Variants in CNTNAP2 observed in about 807,000 individuals in gnomAD.
CNTNAP2 encodes contactin-associated protein-like 2.
CNTNAP2 carries 98 observed loss-of-function variants against 155.2 expected under a neutral mutation model. That is an observed-to-expected ratio of 0.63 (90% CI 0.54 to 0.75). CNTNAP2 has a LOEUF of 0.75. Ranked by LOEUF, CNTNAP2 falls within the 30% of genes least tolerant of loss-of-function variation. The probability of loss-of-function intolerance (pLI) is 0.00; values close to 1 mark genes in which losing one functional copy is unlikely to be tolerated. For missense variants in CNTNAP2, 1,727 were observed against 1,688.1 expected, an observed-to-expected ratio of 1.02 and a Z score of -0.40; for synonymous variants, 651 against 631.2, an observed-to-expected ratio of 1.03 and a Z score of -0.47.
At chr7:147,559,210 T>C (rs1800012490) in intron 11 of CNTNAP2, among the ~76,000 whole-genome samples, 1 of 152,088 alleles carries the variant, frequency 6.6e-6, no homozygotes, top group African/African-American at 2.4e-5. Flanking sequence ...TTTTGTAGAT[T>C]GAGAAAGTGG....
chr7:146,382,176 G>A (rs746311595), intron 1 of CNTNAP2, among the ~76,000 whole-genome samples: 1 of 152,198 alleles, frequency 6.6e-6, no homozygotes, highest in Non-Finnish European at 1.5e-5. Flanking sequence ...GAAAGAATAT[G>A]AGGCAAGAAC....
At chr7:147,407,268 A>G (rs371206592) in intron 10 of CNTNAP2, among the ~76,000 whole-genome samples, 89 of 152,146 alleles carry the variant, frequency 5.8e-4, no homozygotes, top group African/African-American at 2.1e-3. Context: ...GGAGATCGAG[A>G]CCATCCTGGC....
At chr7:148,014,838 C>T (rs779124002) in intron 15 of CNTNAP2, among the ~76,000 whole-genome samples, 2 of 152,200 alleles carry the variant, frequency 1.3e-5, no homozygotes, top group Admixed American at 6.5e-5. Context: ...CCAACTGCAG[C>T]GCCTTGCTGG....
intron 13 of CNTNAP2, among the ~76,000 whole-genome samples, chr7:147,902,670 T>C (rs1799888881): frequency 6.6e-6 from 1 of 152,178 alleles, no homozygotes; most frequent in African/African-American, 2.4e-5. Context: ...TGGTTTTCCA[T>C]TCCTGAGTTA....
At chr7:147,567,707 T>C (rs953360317) in intron 12 of CNTNAP2, among the ~76,000 whole-genome samples, 16 of 152,140 alleles carry the variant, frequency 1.1e-4, no homozygotes, top group African/African-American at 3.9e-4. Context: ...TCTATGTTGC[T>C]TTGGGTCCCT....
intron 1 of CNTNAP2, among the ~76,000 whole-genome samples, chr7:146,513,667 A>G (rs1797499965): frequency 6.6e-6 from 1 of 151,910 alleles, no homozygotes; most frequent in South Asian, 2.1e-4. Context: ...CATAGTTATT[A>G]TTTTTAAAAA....
At chr7:146,172,576 A>T (rs1798411324) in intron 1 of CNTNAP2, among the ~76,000 whole-genome samples, 2 of 151,930 alleles carry the variant, frequency 1.3e-5, no homozygotes, top group Non-Finnish European at 2.9e-5. Flanking sequence ...TCTGACTATG[A>T]TGTGATTGAG....
At chr7:147,052,468 C>G (rs374723063) in intron 4 of CNTNAP2, among the ~76,000 whole-genome samples, 1 of 151,994 alleles carries the variant, frequency 6.6e-6, no homozygotes, top group Admixed American at 6.6e-5. Flanking sequence ...ATTGGTGGAA[C>G]AGGGCATGAT....
At chr7:146,913,746 A>G (rs1220700923) in intron 3 of CNTNAP2, among the ~76,000 whole-genome samples, 1 of 151,852 alleles carries the variant, frequency 6.6e-6, no homozygotes, top group East Asian at 1.9e-4. Context: ...GTGGGGTATC[A>G]ACATATGGAT....
intron 21 of CNTNAP2, among the ~76,000 whole-genome samples, chr7:148,324,422 A>T (rs1797854133): frequency 6.6e-6 from 1 of 151,922 alleles, no homozygotes; most frequent in African/African-American, 2.4e-5. Context: ...CTTCTCCATA[A>T]CTCACATTTT....
chr7:146,635,380 G>A (rs1173386914), intron 1 of CNTNAP2, among the ~76,000 whole-genome samples: 1 of 152,166 alleles, frequency 6.6e-6, no homozygotes, highest in African/African-American at 2.4e-5. Context: ...AGGATGCTAT[G>A]CTAGTAACAG....
At chr7:147,293,873 G>A (rs2116754694) in intron 8 of CNTNAP2, among the ~76,000 whole-genome samples, 3 of 152,238 alleles carry the variant, frequency 2.0e-5, no homozygotes, top group Admixed American at 2.0e-4. Context: ...TTAGGGAGGT[G>A]TTAGAGAAAA....
chr7:146,358,058 G>T (rs999888103), intron 1 of CNTNAP2, among the ~76,000 whole-genome samples: 1 of 148,266 alleles, frequency 6.7e-6, no homozygotes. Context: ...TTTTTGAGAT[G>T]GAGCCTCGCT....
chr7:147,405,028 G>A (rs1165246326), intron 10 of CNTNAP2, among the ~76,000 whole-genome samples: 1 of 152,190 alleles, frequency 6.6e-6, no homozygotes, highest in African/African-American at 2.4e-5. Context: ...TTGATGCATT[G>A]CATGTATTAG....
chr7:146,800,171 C>T (rs1802848596), intron 2 of CNTNAP2, among the ~76,000 whole-genome samples: 1 of 152,130 alleles, frequency 6.6e-6, no homozygotes, highest in Non-Finnish European at 1.5e-5. Flanking sequence ...AGCAGCAACA[C>T]TAGCTATTCA....
chr7:146,385,454 ATGTT>A (rs1447880224), intron 1 of CNTNAP2, among the ~76,000 whole-genome samples: 2 of 152,254 alleles, frequency 1.3e-5, no homozygotes, highest in East Asian at 1.9e-4. Flanking sequence ...ACATATATGA[ATGTT>A]TGTTTATAAT....
chr7:148,382,104 G>C (rs1304631646), intron 21 of CNTNAP2, among the ~76,000 whole-genome samples: 4 of 152,268 alleles, frequency 2.6e-5, no homozygotes, highest in Non-Finnish European at 1.5e-5. Context: ...GAGTGAAAGA[G>C]GCCCAAAGAG....
At chr7:146,995,823 T>C (rs1219859147) in intron 3 of CNTNAP2, among the ~76,000 whole-genome samples, 1 of 152,146 alleles carries the variant, frequency 6.6e-6, no homozygotes, top group African/African-American at 2.4e-5. Context: ...ATTCAGTAGG[T>C]TGTTTCTTCT....
intron 8 of CNTNAP2, among the ~76,000 whole-genome samples, chr7:147,248,177 A>G (rs1804109691): frequency 6.6e-6 from 1 of 152,230 alleles, no homozygotes; most frequent in East Asian, 1.9e-4. Context: ...AGATAGTGCC[A>G]AAGACTAAGT....
Sources: allele counts gnomAD v4.1 joint callset (sites outside exome capture counted in the v4.1 genomes callset), GRCh38; gene constraint gnomAD v4.1.1; transcripts MANE v1.5; gene names NCBI Gene and HGNC (gene_info 2026-07-23, HGNC 2026-07-21).